Variants in ELP2 observed in about 807,000 individuals in gnomAD.
ELP2 encodes elongator complex protein 2.
ELP2 carries 90 observed loss-of-function variants against 119.2 expected under a neutral mutation model. That is an observed-to-expected ratio of 0.75 (90% CI 0.64 to 0.90). ELP2 has a LOEUF of 0.90. Among genes scored for constraint, ELP2 ranks in the 40% least tolerant of loss-of-function variants. The pLI, the probability that ELP2 is intolerant of heterozygous loss-of-function variation, is 0.00. For missense variants in ELP2, 921 were observed against 967.8 expected (o/e 0.95, Z 0.64); for synonymous variants, 339 against 331.0 (o/e 1.02, Z -0.26).
chr18:36,160,805 A>G, intron 16 of ELP2, 127 bp from the exon 17 acceptor site: 1 of 684,278 alleles, frequency 1.5e-6, no homozygotes. Context: ...AGACAAACAT[A>G]CAATGTTCCT....
chr18:36,174,496 C>T lies in ELP2; in HGVS notation c.2336C>T (p.Thr779Ile), dbSNP rs1568034749. The change falls in exon 22 of 22, where the codon ACA (threonine) becomes ATA (isoleucine). Residue 779 changes from threonine to isoleucine, a missense_variant. By Grantham distance (89) the Thr-to-Ile change is moderately conservative. Coordinates refer to ENST00000358232, the MANE Select transcript of ELP2 (RefSeq NM_018255.4). ...CVETSQSQSHTLAIRKLCWKN... is the reference protein window; with the variant it reads ...CVETSQSQSHILAIRKLCWKN... ...TATCTTTGTTTTAGCCAAAGTCATA[C>T]ACTGGCTATCAGAAAATTATGCTGG... 3 of 1,613,930 alleles carry T rather than the reference C, an allele frequency of 1.9e-6. No individual in the cohort carries two copies. The highest frequency in any genetic ancestry group is 2.5e-6 in the Non-Finnish European group (3 of 1,179,886).
chr18:36,174,546 C>T lies in ELP2; in HGVS notation c.2386C>T (p.Gln796Ter), dbSNP rs1411118122. 3.1e-6 allele frequency: 5 copies of T among 1,613,946 alleles called. No individual in the cohort carries two copies. The highest frequency in any genetic ancestry group is 4.2e-6 in the Non-Finnish European group (5 of 1,179,976). Residue 796 changes from glutamine to a stop codon, truncating the protein, a stop_gained, in exon 22 of 22, where the codon CAG (glutamine) becomes TAG (stop). Coordinates refer to ENST00000358232, the MANE Select transcript of ELP2 (RefSeq NM_018255.4). LOFTEE classifies it high-confidence loss of function. ...GAAGAATTGCAGTGGAAAAACTGAA[C>T]AGAAGGAAGCAGAAGGTGCTGAGTG... is the stretch of plus-strand genomic sequence containing the variant. ...CWKNCSGKTE[Q>*]KEAEGAEWLH...
chr18:36,161,782 G>A (rs1056758462), intron 17 of ELP2, among the ~76,000 whole-genome samples: 1 of 152,080 alleles, frequency 6.6e-6, no homozygotes, highest in African/African-American at 2.4e-5. Flanking sequence ...CTGCATTTTG[G>A]ACATCATAAG....
Position 36,174,693 on chromosome 18 carries a change from T to C in ELP2, c.*52T>C, listed in dbSNP as rs775424186. ...TCACTGGTATCTTAAAATATTATCATGTAAACAGGTCATCTTTACCTTCAT... is the reference window on the plus strand; with the variant it reads ...TCACTGGTATCTTAAAATATTATCACGTAAACAGGTCATCTTTACCTTCAT... On this transcript the variant is annotated 3_prime_UTR_variant, in exon 22 of 22. Coordinates refer to ENST00000358232, the MANE Select transcript of ELP2 (RefSeq NM_018255.4). 2 of 1,570,400 alleles carry C rather than the reference T, an allele frequency of 1.3e-6. No homozygotes were observed. The highest frequency in any genetic ancestry group is 2.2e-5 in the East Asian group (1 of 44,592).
chr18:36,143,053 A>G, intron 8 of ELP2, 87 bp downstream of exon 8: 1 of 904,994 alleles, frequency 1.1e-6, no homozygotes, highest in Non-Finnish European at 1.7e-6. Context: ...TATGTGAAGG[A>G]TAGTTTTTCA....
At position 36,170,756 on chromosome 18, in the gene ELP2, T is replaced by A; in HGVS notation, c.2211-291T>A. ...CACCAAATCTAGGACTATAATACTT[T>A]CTCTGTAACAAGCATCTTCAGTGGA... On this transcript the variant is annotated intron_variant, in intron 20 of 21. Transcript: ENST00000358232. The A allele has an allele frequency of 1.3e-5, 6 of 467,532 alleles. No homozygotes were observed. The South Asian group carries it at 1.4e-4, about 11-fold the overall frequency. 29.0% of individuals were successfully genotyped at this position (467,532 alleles called of 1,614,324 possible).
At chr18:36,137,167 A>AT (rs1015219403) in intron 3 of ELP2, 5 of 152,080 alleles carry the variant, frequency 3.3e-5, no homozygotes, top group Admixed American at 2.6e-4. Flanking sequence ...GTATCCAAGG[A>AT]TTTTTTAAAC....
At chr18:36,137,086 T>A (rs573725993) in intron 3 of ELP2, 1 of 152,350 alleles carries the variant, frequency 6.6e-6, no homozygotes, top group Admixed American at 6.5e-5. Context: ...TGAGCAGAGT[T>A]AACTTTCTGG....
At chr18:36,139,311 A>T (rs1043635059) in intron 5 of ELP2, 1 of 1,114,152 alleles carries the variant, frequency 9.0e-7, no homozygotes. Context: ...TAAAATCTGC[A>T]AACAGAAAAA....
At chr18:36,133,378 AT>A in intron 2 of ELP2, 62 bp downstream of exon 2, 2 of 1,248,212 alleles carry the variant, frequency 1.6e-6, no homozygotes, top group African/African-American at 1.5e-5. Context: ...AAGGTTAGCC[AT>A]TTTTTTCTCA....
rs75345653 is a variant in ELP2 at position 36,131,607 on chromosome 18, A to G, written c.138+1536A>G. Among the ~76,000 whole-genome samples the G allele has an allele frequency of 6.0e-3, 915 of 152,372 alleles. 8 individuals are homozygous for G. The highest frequency in any genetic ancestry group is 0.021 in the African/African-American group (862 of 41,590). ...AAATTAGCAAGGCACACTCTTTGCC[A>G]GTCAACCCACGGTCCTGAGATGTTT... On this transcript the variant is annotated intron_variant, in intron 1 of 21. Coordinates refer to ENST00000358232, the MANE Select transcript of ELP2 (RefSeq NM_018255.4).
intron 18 of ELP2, among the ~76,000 whole-genome samples, chr18:36,165,582 G>A (rs1598824597): frequency 6.6e-6 from 1 of 152,156 alleles, no homozygotes; most frequent in Non-Finnish European, 1.5e-5. Context: ...AGCATTTACT[G>A]TTTAAAAAGC....
chr18:36,148,953 GCCA>G (rs2090300454), intron 11 of ELP2, among the ~76,000 whole-genome samples: 1 of 152,182 alleles, frequency 6.6e-6, no homozygotes, highest in South Asian at 2.1e-4. Context: ...CCAGGCTGAG[GCCA>G]CTCAGGTTTG....
At position 36,167,897 on chromosome 18, in the gene ELP2, A is replaced by G. The variant is rs994812910; in HGVS notation, c.2076+675A>G. Reference sequence around the variant, plus strand: ...CTTGCCATGTTGCCAGGCTGGTCCCAAACTCCTGGGCGCAAGCAGTCCTCC... The same window carrying G: ...CTTGCCATGTTGCCAGGCTGGTCCCGAACTCCTGGGCGCAAGCAGTCCTCC... On this transcript the variant is annotated intron_variant, in intron 19 of 21. Transcript: ENST00000358232. Among the ~76,000 whole-genome samples, 4 of 152,104 alleles carry G rather than the reference A, an allele frequency of 2.6e-5. No homozygotes were observed. The East Asian group carries it at 7.7e-4, about 29-fold the overall frequency.
chr18:36,166,597 T>C (rs574224522), intron 18 of ELP2, among the ~76,000 whole-genome samples: 1 of 152,150 alleles, frequency 6.6e-6, no homozygotes, highest in South Asian at 2.1e-4. Flanking sequence ...CTCCCAAAAG[T>C]GTGGGGATTA....
chr18:36,142,778 C>T (rs1411594640), intron 7 of ELP2, 48 bp from the exon 8 acceptor site: 1 of 1,320,920 alleles, frequency 7.6e-7, no homozygotes, highest in East Asian at 2.4e-5. Flanking sequence ...TATACATAAA[C>T]TTCACAATAT....
At chr18:36,153,674 C>T (rs931456491) in intron 11 of ELP2, among the ~76,000 whole-genome samples, 1 of 152,198 alleles carries the variant, frequency 6.6e-6, no homozygotes, top group Admixed American at 6.5e-5. Flanking sequence ...ATTCCCTCGA[C>T]CCCCTCTTTA....
chr18:36,177,541 G>A lies in ELP2; in HGVS notation c.*2900G>A, dbSNP rs1186894048. On this transcript the variant is annotated 3_prime_UTR_variant, in exon 22 of 22. Transcript: ENST00000358232. ...GTTGTTTAATGGGTATAGTGTTTCA[G>A]TTTTGCAAGATAAAAAGTCCTGTGG... The A allele has an allele frequency of 2.0e-5, 3 of 152,180 alleles. No individual in the cohort carries two copies. The highest frequency in any genetic ancestry group is 4.4e-5 in the Non-Finnish European group (3 of 68,058). The allele number at this position is 152,180 out of a possible 1,614,324, so 9.4% of individuals were successfully genotyped here.
At position 36,154,945 on chromosome 18, in the gene ELP2, T is replaced by G; in HGVS notation, c.1221T>G (p.Gly407=). 1 of 1,614,024 alleles carries G rather than the reference T, an allele frequency of 6.2e-7. No homozygotes were observed. Among genetic ancestry groups the G allele is most frequent in the South Asian group, 1.1e-5 (1 of 91,076 alleles). ...AAGGAGAATTTATTATCACTGTTGG[T>G]ACTGATCAGACAACTAGACTTTTTG... ...DPEGEFIITV[G]TDQTTRLFAP... Residue 407 remains glycine, a synonymous_variant, in exon 12 of 22, where the codon GGT becomes GGG. Transcript: ENST00000358232.
Sources: allele counts gnomAD v4.1 joint callset (sites outside exome capture counted in the v4.1 genomes callset), GRCh38; gene constraint gnomAD v4.1.1; transcripts MANE v1.5; gene names NCBI Gene and HGNC (gene_info 2026-07-23, HGNC 2026-07-21).